EPB41L5: variants seen among roughly 807,000 people sequenced by gnomAD.
The protein encoded by EPB41L5 is band 4.1-like protein 5.
In EPB41L5, 55 loss-of-function variants were observed where a neutral mutation model predicts 106.6. The observed-to-expected ratio is 0.52, with a 90% CI of 0.42 to 0.65. The LOEUF (loss-of-function observed/expected upper bound fraction) is 0.65. Among genes scored for constraint, EPB41L5 ranks in the 30% least tolerant of loss-of-function variants. The probability of loss-of-function intolerance (pLI) is 0.00; values close to 1 mark genes in which losing one functional copy is unlikely to be tolerated. For synonymous variants in EPB41L5, 297 were observed against 306.7 expected, an observed-to-expected ratio of 0.97 and a Z score of 0.33; for missense variants, 871 against 882.1, an observed-to-expected ratio of 0.99 and a Z score of 0.16.
rs755584471 is a variant in EPB41L5, at chr2:120,127,758, G to A, written c.1408G>A (p.Ala470Thr). 4 of 1,613,700 alleles carry A rather than the reference G, an allele frequency of 2.5e-6. No homozygotes were observed. Among genetic ancestry groups the A allele is most frequent in the Admixed American group, 1.7e-5 (1 of 60,002 alleles). Residue 470 changes from alanine to threonine, a missense_variant, in exon 17 of 25, where the codon GCA (alanine) becomes ACA (threonine). Physicochemically the swap from Ala to Thr is moderately conservative, Grantham distance 58. Coordinates refer to ENST00000263713, the MANE Select transcript of EPB41L5 (RefSeq NM_020909.4). ...LEATIGDVIG[A>T]SDTMETSQAL... ...AGCAACGATTGGTGATGTAATTGGG[G>A]CATCTGACACTATGGAAACATCCCA...
At chr2:120,111,391 G>A (rs1384649670) in intron 16 of EPB41L5, among the ~76,000 whole-genome samples, 15 of 151,950 alleles carry the variant, frequency 9.9e-5, no homozygotes, top group East Asian at 1.9e-4. Flanking sequence ...TCTCTTTTTC[G>A]TGTTGCTAAG....
chr2:120,071,938 TTAAAC>T (rs1437733612), intron 3 of EPB41L5, among the ~76,000 whole-genome samples: 1 of 152,100 alleles, frequency 6.6e-6, no homozygotes, highest in Admixed American at 6.5e-5. Flanking sequence ...TGGGATCTAA[TTAAAC>T]TAAAGAGCTT....
At chr2:120,072,881 G>T (rs1312815450) in intron 3 of EPB41L5, among the ~76,000 whole-genome samples, 1 of 151,404 alleles carries the variant, frequency 6.6e-6, no homozygotes, top group Non-Finnish European at 1.5e-5. Flanking sequence ...GTATACTTAC[G>T]TAACAAACCT....
chr2:120,022,093 CT>C (rs1482059062), intron 2 of EPB41L5, among the ~76,000 whole-genome samples: 1 of 152,064 alleles, frequency 6.6e-6, no homozygotes, highest in Non-Finnish European at 1.5e-5. Context: ...TGTTTAAGAG[CT>C]TAGTATTGGT....
intron 3 of EPB41L5, among the ~76,000 whole-genome samples, chr2:120,054,729 A>G (rs1680524292): frequency 6.6e-6 from 1 of 152,024 alleles, no homozygotes; most frequent in African/African-American, 2.4e-5. Flanking sequence ...ATATCCAGTG[A>G]TCCTAACACC....
intron 3 of EPB41L5, among the ~76,000 whole-genome samples, chr2:120,045,848 T>C (rs915013609): frequency 9.3e-5 from 14 of 150,678 alleles, no homozygotes; most frequent in African/African-American, 3.2e-4. Context: ...TGGTGTGTGA[T>C]GCTCGCCTTC....
Position 120,114,693 on chromosome 2 carries a change from A to G in EPB41L5, c.1338-12995A>G, listed in dbSNP as rs115239142. ...GTCCATTAGCAGATACATACTTTTGAAAATTTTTTTATTCTGTGCAGTATG... is the reference window on the plus strand; with the variant it reads ...GTCCATTAGCAGATACATACTTTTGGAAATTTTTTTATTCTGTGCAGTATG... On this transcript the variant is annotated intron_variant, in intron 16 of 24. Coordinates refer to ENST00000263713, the MANE Select transcript of EPB41L5 (RefSeq NM_020909.4). 9.5e-3 allele frequency among the ~76,000 whole-genome samples: 1,451 copies of G among 152,284 alleles called. 21 individuals are homozygous for G. Among genetic ancestry groups the G allele is most frequent in the Middle Eastern group, 0.034 (10 of 294 alleles).
chr2:120,104,805 G>A (rs1218451969), intron 16 of EPB41L5: 19 of 925,354 alleles, frequency 2.1e-5, no homozygotes, highest in South Asian at 1.5e-4. Flanking sequence ...TAATAAACAC[G>A]AATATTTTAA....
chr2:120,130,646 A>T (rs1685649951), intron 17 of EPB41L5, among the ~76,000 whole-genome samples: 1 of 152,254 alleles, frequency 6.6e-6, no homozygotes, highest in Admixed American at 6.5e-5. Flanking sequence ...CTTTGGTTGT[A>T]CTTAAAATCA....
At chr2:120,113,932 T>G (rs1684838506) in intron 16 of EPB41L5, among the ~76,000 whole-genome samples, 1 of 152,232 alleles carries the variant, frequency 6.6e-6, no homozygotes. Flanking sequence ...AATTTCTGCT[T>G]TTTGTGAATG....
In EPB41L5 at chr2:120,167,973, C is replaced by G. The variant is rs199753897; in HGVS notation, c.2101C>G (p.Pro701Ala). The G allele has an allele frequency of 6.2e-7, 1 of 1,613,998 alleles. No individual in the cohort carries two copies. Among genetic ancestry groups the G allele is most frequent in the Admixed American group, 1.7e-5 (1 of 60,000 alleles). The change falls in exon 24 of 25, where the codon CCC (proline) becomes GCC (alanine). Residue 701 changes from proline (P) to alanine (A), a missense_variant. By Grantham distance (27) the Pro-to-Ala change is conservative. Transcript: ENST00000263713. ...GNKDGISLIS[P>A]PAPFLVDAVT... Reference sequence around the variant, plus strand: ...TAAAGATGGAATCTCACTGATCTCTCCCCCAGCGCCATTCTTGGTAGATGC... The same window carrying G: ...TAAAGATGGAATCTCACTGATCTCTGCCCCAGCGCCATTCTTGGTAGATGC...
intron 20 of EPB41L5, among the ~76,000 whole-genome samples, chr2:120,157,155 C>T (rs1558911695): frequency 6.6e-6 from 1 of 152,220 alleles, no homozygotes. Flanking sequence ...CATACAGTTA[C>T]ATGGAAATTA....
chr2:120,133,461 A>G (rs1313017847), intron 18 of EPB41L5, among the ~76,000 whole-genome samples: 2 of 152,104 alleles, frequency 1.3e-5, no homozygotes, highest in Non-Finnish European at 2.9e-5. Flanking sequence ...CACAGTGACT[A>G]TGGCACTTTG....
At chr2:120,143,270 C>A in intron 19 of EPB41L5, 139 bp downstream of exon 19, 1 of 1,024,536 alleles carries the variant, frequency 9.8e-7, no homozygotes, top group Middle Eastern at 2.2e-4. Flanking sequence ...TAAAGATGCT[C>A]AGGGGGATAC....
At chr2:120,073,524 T>G (rs1356674884) in intron 4 of EPB41L5, among the ~76,000 whole-genome samples, 2 of 152,240 alleles carry the variant, frequency 1.3e-5, no homozygotes, top group Admixed American at 6.5e-5. Context: ...AATTTTCCTG[T>G]TTGGCATCTG....
intron 2 of EPB41L5, among the ~76,000 whole-genome samples, chr2:120,025,732 A>G (rs967687956): frequency 2.0e-5 from 3 of 152,250 alleles, no homozygotes; most frequent in African/African-American, 2.4e-5. Flanking sequence ...TGATGCATTC[A>G]GTGCAGTCCC....
chr2:120,136,685 G>A (rs1685936701), intron 18 of EPB41L5, among the ~76,000 whole-genome samples: 1 of 151,952 alleles, frequency 6.6e-6, no homozygotes, highest in Non-Finnish European at 1.5e-5. Flanking sequence ...ATGGTCAATT[G>A]AGCAAGAGGA....
rs1283486668 is a variant in EPB41L5, at chr2:120,175,560, G to T, written c.*653G>T. 6.6e-6 allele frequency: 1 copy of T among 151,940 alleles called. No individual in the cohort carries two copies. Among genetic ancestry groups the T allele is most frequent in the African/African-American group, 2.4e-5 (1 of 41,336 alleles). 9.4% of individuals were successfully genotyped at this position (151,940 alleles called of 1,614,324 possible). ...TTTACATCAAGATAAACCCTGAGAA[G>T]AACTACGGAGAAATCAAATAAAATC... On this transcript the variant is annotated 3_prime_UTR_variant, in exon 25 of 25. Transcript: ENST00000263713.
chr2:120,173,315 G>A (rs1014721641), intron 24 of EPB41L5, among the ~76,000 whole-genome samples: 1 of 152,146 alleles, frequency 6.6e-6, no homozygotes, highest in African/African-American at 2.4e-5. Flanking sequence ...ACAGTCCATA[G>A]GAGGAAGTCA....
Sources: gnomAD v4.1 joint callset for allele counts (sites outside exome capture counted in the v4.1 genomes callset) on GRCh38, gnomAD v4.1.1 for gene constraint, MANE v1.5 for transcripts, NCBI Gene and HGNC (gene_info 2026-07-23, HGNC 2026-07-21) for gene names.